Variants in CNTN3 observed in about 807,000 individuals in gnomAD.
CNTN3 encodes the protein contactin 3.
CNTN3 carries 60 observed loss-of-function variants against 119.1 expected under a neutral mutation model. That is an observed-to-expected ratio of 0.50 (90% CI 0.41 to 0.62). CNTN3 has a LOEUF of 0.62. Among genes scored for constraint, CNTN3 ranks in the 20% least tolerant of loss-of-function variants. The probability of loss-of-function intolerance (pLI) is 0.00; values close to 1 mark genes in which losing one functional copy is unlikely to be tolerated. For missense variants in CNTN3, 1,101 were observed against 1,242.4 expected, an observed-to-expected ratio of 0.89 and a Z score of 1.71; for synonymous variants, 450 against 438.7, an observed-to-expected ratio of 1.03 and a Z score of -0.32.
rs944190326 is a variant in CNTN3, at chr3:74,485,051, T to C, written c.358+1405A>G. On this transcript the variant is annotated intron_variant, in intron 4 of 22. Transcript: ENST00000263665. ...GTAAAACATGGATACATCATAGATTTTGCCAAAATTCTAGTTAACAACTAT... is the reference window on the plus strand; with the variant it reads ...GTAAAACATGGATACATCATAGATTCTGCCAAAATTCTAGTTAACAACTAT... Among the ~76,000 whole-genome samples the C allele has an allele frequency of 9.9e-5, 15 of 152,272 alleles. No homozygotes were observed. The South Asian group carries it at 2.9e-3, about 29-fold the overall frequency.
chr3:74,504,692 T>C (rs1703222301), intron 2 of CNTN3, among the ~76,000 whole-genome samples: 1 of 152,160 alleles, frequency 6.6e-6, no homozygotes, highest in African/African-American at 2.4e-5. Flanking sequence ...GTCCACTCAA[T>C]AGCTATCACC....
At chr3:74,476,238 C>T (rs1338591288) in intron 4 of CNTN3, among the ~76,000 whole-genome samples, 1 of 152,102 alleles carries the variant, frequency 6.6e-6, no homozygotes, top group African/African-American at 2.4e-5. Context: ...TGCACAGGAA[C>T]CTAATCTTGT....
At chr3:74,583,998 T>C (rs1328334542) in intron 1 of CNTN3, among the ~76,000 whole-genome samples, 1 of 152,202 alleles carries the variant, frequency 6.6e-6, no homozygotes, top group Non-Finnish European at 1.5e-5. Context: ...GTCTCAGCTT[T>C]TTCATTTGGA....
intron 11 of CNTN3, among the ~76,000 whole-genome samples, chr3:74,360,346 C>G (rs1055400054): frequency 6.6e-6 from 1 of 152,114 alleles, no homozygotes; most frequent in African/African-American, 2.4e-5. Flanking sequence ...TCTGGGCTCC[C>G]TGTACAAAAT....
intron 1 of CNTN3, among the ~76,000 whole-genome samples, 38 bp downstream of exon 1, chr3:74,614,353 G>T (rs1705133313): frequency 2.0e-5 from 3 of 151,908 alleles, no homozygotes; most frequent in African/African-American, 7.2e-5. Flanking sequence ...CATCCCTGTG[G>T]CCCGGCCGGC....
chr3:74,462,519 T>C (rs924297272), intron 4 of CNTN3, among the ~76,000 whole-genome samples: 1 of 152,092 alleles, frequency 6.6e-6, no homozygotes, highest in Non-Finnish European at 1.5e-5. Context: ...TTTAATGGCC[T>C]GTGTAACATG....
chr3:74,270,869 T>A (rs1388456972), intron 20 of CNTN3, among the ~76,000 whole-genome samples: 1 of 152,132 alleles, frequency 6.6e-6, no homozygotes, highest in African/African-American at 2.4e-5. Context: ...GAATGCTAAA[T>A]TAGAAAAAAC....
intron 1 of CNTN3, among the ~76,000 whole-genome samples, chr3:74,540,919 C>A (rs1318501515): frequency 6.6e-6 from 1 of 152,064 alleles, no homozygotes; most frequent in African/African-American, 2.4e-5. Context: ...TGCTATGTAG[C>A]CTATTTCTTC....
At chr3:74,309,701 C>T (rs1043900407) in intron 13 of CNTN3, among the ~76,000 whole-genome samples, 1 of 152,210 alleles carries the variant, frequency 6.6e-6, no homozygotes, top group Non-Finnish European at 1.5e-5. Flanking sequence ...CTCATCTTTA[C>T]TCTTCTTGAA....
intron 2 of CNTN3, 106 bp downstream of exon 2, chr3:74,520,952 T>C (rs1703532786): frequency 7.3e-6 from 4 of 549,916 alleles, no homozygotes; most frequent in Admixed American, 4.0e-5. Context: ...ACATTTGTTT[T>C]TCTTTGCTAC....
chr3:74,431,620 T>C (rs1701784313), intron 4 of CNTN3, among the ~76,000 whole-genome samples: 1 of 152,156 alleles, frequency 6.6e-6, no homozygotes. Flanking sequence ...AATAATTCTA[T>C]GTAGACAATT....
At chr3:74,348,118 G>C (rs926755246) in intron 11 of CNTN3, among the ~76,000 whole-genome samples, 2 of 152,080 alleles carry the variant, frequency 1.3e-5, no homozygotes, top group African/African-American at 4.8e-5. Context: ...ATACAGCATG[G>C]GAATTATAGT....
At chr3:74,316,250 A>G (rs943348190) in intron 13 of CNTN3, among the ~76,000 whole-genome samples, 2 of 152,180 alleles carry the variant, frequency 1.3e-5, no homozygotes, top group Admixed American at 1.3e-4. Context: ...CATCATCACT[A>G]ATCACCAGAG....
chr3:74,437,184 C>A (rs1701880891), intron 4 of CNTN3, among the ~76,000 whole-genome samples: 1 of 152,110 alleles, frequency 6.6e-6, no homozygotes, highest in Non-Finnish European at 1.5e-5. Flanking sequence ...TCTGGCCAGG[C>A]ACGGTGGCTC....
At chr3:74,571,242 A>G (rs1419296620) in intron 1 of CNTN3, among the ~76,000 whole-genome samples, 1 of 152,182 alleles carries the variant, frequency 6.6e-6, no homozygotes, top group Non-Finnish European at 1.5e-5. Context: ...CGTACTGCAG[A>G]TAGTGTTCTA....
At chr3:74,310,623 G>C (rs1301591500) in intron 13 of CNTN3, among the ~76,000 whole-genome samples, 2 of 152,158 alleles carry the variant, frequency 1.3e-5, no homozygotes, top group African/African-American at 2.4e-5. Context: ...TGTGCTAGTG[G>C]AACAAGGTAG....
At chr3:74,524,219 T>C (rs1250040613) in intron 1 of CNTN3, among the ~76,000 whole-genome samples, 2 of 151,954 alleles carry the variant, frequency 1.3e-5, no homozygotes, top group Admixed American at 1.3e-4. Flanking sequence ...CAAGAAGCTC[T>C]AAATTATTTT....
chr3:74,274,693 C>A lies in CNTN3; in HGVS notation c.2705-7315G>T, dbSNP rs1199449330. The stretch of plus-strand genomic sequence containing the variant: ...ACACCTTCCCTCTGACAGAGCCTAC[C>A]CAAATGAGGAGGAATCAGAAAAACA... On this transcript the variant is annotated intron_variant, in intron 20 of 22. Coordinates refer to ENST00000263665, the MANE Select transcript of CNTN3 (RefSeq NM_020872.3). 3.3e-5 allele frequency among the ~76,000 whole-genome samples: 5 copies of A among 152,154 alleles called. No individual in the cohort carries two copies. The East Asian group carries it at 9.7e-4, about 30-fold the overall frequency.
chr3:74,553,542 A>G (rs1047000240), intron 1 of CNTN3, among the ~76,000 whole-genome samples: 9 of 152,044 alleles, frequency 5.9e-5, no homozygotes, highest in African/African-American at 2.2e-4. Context: ...ACTAATTTAC[A>G]CTCCCACCAA....
Sources: gnomAD v4.1 joint callset for allele counts (sites outside exome capture counted in the v4.1 genomes callset) on GRCh38, gnomAD v4.1.1 for gene constraint, MANE v1.5 for transcripts, NCBI Gene and HGNC (gene_info 2026-07-23, HGNC 2026-07-21) for gene names.